The following PRKCH variants were observed in gnomAD, a reference collection of about 807,000 sequenced individuals.
PRKCH encodes the protein protein kinase C eta.
In PRKCH, 28 loss-of-function variants were observed where a neutral mutation model predicts 82.5. The observed-to-expected ratio is 0.34, with a 90% CI of 0.25 to 0.47. The LOEUF (loss-of-function observed/expected upper bound fraction) is 0.47. PRKCH is among the 20% of genes least tolerant of loss of function. The pLI, the probability that PRKCH is intolerant of heterozygous loss-of-function variation, is 1.00. For synonymous variants in PRKCH, 322 were observed against 327.4 expected, an observed-to-expected ratio of 0.98 and a Z score of 0.18; for missense variants, 705 against 881.8, an observed-to-expected ratio of 0.80 and a Z score of 2.54.
At chr14:61,239,055 T>C (rs2044813505) in intron 1 of PRKCH, among the ~76,000 whole-genome samples, 1 of 152,192 alleles carries the variant, frequency 6.6e-6, no homozygotes, top group South Asian at 2.1e-4. Context: ...GCAATCTCCC[T>C]CCTCAGAGTA....
At chr14:61,452,659 G>A (rs2140288849) in intron 6 of PRKCH, 1 of 153,376 alleles carries the variant, frequency 6.5e-6, no homozygotes, top group Middle Eastern at 3.4e-3. Context: ...CAAATGCTGA[G>A]AACCACAGGC....
At chr14:61,344,945 A>G (rs1172810288) in intron 1 of PRKCH, among the ~76,000 whole-genome samples, 3 of 152,140 alleles carry the variant, frequency 2.0e-5, no homozygotes, top group Non-Finnish European at 4.4e-5. Flanking sequence ...GCCCTGCTTC[A>G]CATGCTAGTT....
At position 61,355,280 on chromosome 14, in the gene PRKCH, A is replaced by G. The variant is rs1391973461; in HGVS notation, c.363+32816A>G. On this transcript the variant is annotated intron_variant, in intron 1 of 13. Coordinates refer to ENST00000332981, the MANE Select transcript of PRKCH (RefSeq NM_006255.5). ...TTTATTTCTCATTGCACTGAACACC[A>G]TTATCATTCACCTTTTTCACTTCTT... 2.0e-5 allele frequency among the ~76,000 whole-genome samples: 3 copies of G among 151,618 alleles called. No individual in the cohort carries two copies. The East Asian group carries it at 5.8e-4, about 29-fold the overall frequency.
intron 1 of PRKCH, among the ~76,000 whole-genome samples, chr14:61,208,883 T>C (rs1209327156): frequency 6.6e-6 from 1 of 152,176 alleles, no homozygotes; most frequent in Non-Finnish European, 1.5e-5. Flanking sequence ...TTGTGGCCTT[T>C]GGGGGATAAT....
In PRKCH at chr14:61,450,891, A is replaced by G; in HGVS notation, c.752A>G (p.His251Arg). 1 of 1,614,096 alleles carries G rather than the reference A, an allele frequency of 6.2e-7. No homozygotes were observed. The highest frequency in any genetic ancestry group is 8.5e-7 in the Non-Finnish European group (1 of 1,179,972). Residue 251 changes from histidine (H) to arginine (R), a missense_variant, in exon 6 of 14, where the codon CAC becomes CGC. By Grantham distance (29) the His-to-Arg change is conservative. This residue lies in a region of PRKCH where 15 missense variants were observed against 40.7 expected (regional missense o/e 0.37). Coordinates refer to ENST00000332981, the MANE Select transcript of PRKCH (RefSeq NM_006255.5). ...GINIPHKFSI[H>R]NYKVPTFCDH... ...AACATCCCACACAAGTTCAGCATCC[A>G]CAACTACAAAGTGCCAACATTCTGC...
chr14:61,269,395 A>C (rs1327806633), intron 1 of PRKCH, among the ~76,000 whole-genome samples: 1 of 152,176 alleles, frequency 6.6e-6, no homozygotes, highest in Non-Finnish European at 1.5e-5. Flanking sequence ...TCAGGGGTAC[A>C]CGTGCAGGTT....
intron 1 of PRKCH, among the ~76,000 whole-genome samples, chr14:61,385,970 A>G (rs2046581906): frequency 6.6e-6 from 1 of 152,210 alleles, no homozygotes; most frequent in Non-Finnish European, 1.5e-5. Flanking sequence ...GAGTTGGACA[A>G]GTATAAAAAG....
chr14:61,359,639 A>T (rs1337381161), intron 1 of PRKCH, among the ~76,000 whole-genome samples: 2 of 152,166 alleles, frequency 1.3e-5, no homozygotes, highest in East Asian at 3.8e-4. Context: ...AACTAGACTG[A>T]CCTACTTTAG....
At chr14:61,303,062 G>C (rs991505121) in intron 1 of PRKCH, 2 of 147,832 alleles carry the variant, frequency 1.4e-5, no homozygotes, top group African/African-American at 5.0e-5. Flanking sequence ...ATCCAGGCTG[G>C]AGTGCAGTGG....
chr14:61,402,787 A>G (rs7146316), intron 2 of PRKCH, among the ~76,000 whole-genome samples: 116,085 of 151,234 alleles, frequency 0.77, 45,222 homozygotes, highest in African/African-American at 0.9. Context: ...GACAGAGCGA[A>G]ACTCTGTCTC....
chr14:61,445,855 C>G, intron 4 of PRKCH, 129 bp downstream of exon 4: 1 of 941,194 alleles, frequency 1.1e-6, no homozygotes, highest in South Asian at 1.5e-5. Context: ...AAAGGAAACC[C>G]CTGTGTAGAT....
chr14:61,328,256 C>CAAAAAAAAAAAAAA (rs71117811), intron 1 of PRKCH, among the ~76,000 whole-genome samples: 1 of 74,378 alleles, frequency 1.3e-5, no homozygotes, highest in East Asian at 4.2e-4. Flanking sequence ...GACTCCGTCT[C>CAAAAAAAAAAAAAA]AAAAAAAAAA....
chr14:61,242,208 GC>G (rs1388735657), intron 1 of PRKCH, among the ~76,000 whole-genome samples: 6 of 152,136 alleles, frequency 3.9e-5, no homozygotes, highest in African/African-American at 1.4e-4. Context: ...GCTCTGGGGA[GC>G]TGGATTTTAA....
chr14:61,498,235 A>G (rs2139944682), intron 10 of PRKCH, among the ~76,000 whole-genome samples: 1 of 152,228 alleles, frequency 6.6e-6, no homozygotes, highest in East Asian at 1.9e-4. Flanking sequence ...GCTAGTCTCA[A>G]ATTCCTGACC....
Position 61,281,817 on chromosome 14 carries a change from A to C in PRKCH, c.-19+94149A>C, listed in dbSNP as rs1374244288. ...AGTCTCAAGTTGGGAGTGTCCAGGG[A>C]ATTACGTTATGATAAATCTGTTTCG... On this transcript the variant is annotated intron_variant, in intron 1 of 3. Transcript: ENST00000555185. 4 of 150,034 alleles carry C rather than the reference A, an allele frequency of 2.7e-5. No homozygotes were observed. In the East Asian group the frequency reaches 8.0e-4, roughly 30 times the overall value. 9.3% of individuals were successfully genotyped at this position (150,034 alleles called of 1,614,324 possible).
At chr14:61,308,322 T>G (rs557792668) in intron 1 of PRKCH, among the ~76,000 whole-genome samples, 1 of 152,336 alleles carries the variant, frequency 6.6e-6, no homozygotes, top group African/African-American at 2.4e-5. Flanking sequence ...GAGTCCAAGT[T>G]TTTAAAGTCA....
intron 1 of PRKCH, among the ~76,000 whole-genome samples, chr14:61,373,400 C>A (rs983583630): frequency 2.6e-5 from 4 of 151,852 alleles, no homozygotes; most frequent in African/African-American, 9.7e-5. Context: ...CATGAGAACT[C>A]ACTATCATGA....
At chr14:61,210,811 T>C (rs57550654) in intron 1 of PRKCH, among the ~76,000 whole-genome samples, 11,401 of 151,282 alleles carry the variant, frequency 0.075, 630 homozygotes, top group African/African-American at 0.15. Context: ...TGTGTGTGTG[T>C]GTGCGTGCAC....
rs2044663873 is a variant in PRKCH at position 61,222,601 on chromosome 14, C to A, written c.-19+34933C>A. Among the ~76,000 whole-genome samples, 11 of 152,300 alleles carry A rather than the reference C, an allele frequency of 7.2e-5. 1 individual carries two copies. The South Asian group carries it at 2.3e-3, about 32-fold the overall frequency. ...GTTCAGACATGAACAACTCCATGAA[C>A]TTTTTTGTGTGTGAATCATTTGAGC... On this transcript the variant is annotated intron_variant, in intron 1 of 3. Transcript: ENST00000555185.
Sources: gnomAD v4.1 joint callset for allele counts (sites outside exome capture counted in the v4.1 genomes callset) on GRCh38, gnomAD v4.1.1 for gene constraint, gnomAD v4.1.1 regional missense constraint, MANE v1.5 for transcripts, NCBI Gene and HGNC (gene_info 2026-07-23, HGNC 2026-07-21) for gene names.